LPP: variants seen among roughly 807,000 people sequenced by gnomAD.
LPP encodes LIM domain containing preferred translocation partner in lipoma, also known as lipoma-preferred partner.
A neutral mutation model predicts 60.4 loss-of-function variants in LPP; 38 were observed. The ratio of observed to expected loss-of-function variants is 0.63; its 90% CI spans 0.49 to 0.83. LPP has a LOEUF of 0.83. LPP is among the 40% of genes least tolerant of loss of function. The probability of loss-of-function intolerance (pLI) is 0.00; values close to 1 mark genes in which losing one functional copy is unlikely to be tolerated. For synonymous variants in LPP, 328 were observed against 290.8 expected, an observed-to-expected ratio of 1.13 and a Z score of -1.30; for missense variants, 902 against 783.6, an observed-to-expected ratio of 1.15 and a Z score of -1.80.
intron 2 of LPP, among the ~76,000 whole-genome samples, chr3:188,284,675 C>T (rs140262705): frequency 6.6e-6 from 1 of 152,174 alleles, no homozygotes; most frequent in East Asian, 1.9e-4. Context: ...GTAACAGAAC[C>T]AAGGAGATCA....
intron 2 of LPP, among the ~76,000 whole-genome samples, chr3:188,289,508 A>G (rs1329756820): frequency 6.6e-6 from 1 of 152,210 alleles, no homozygotes; most frequent in Non-Finnish European, 1.5e-5. Context: ...ATCATATGAA[A>G]TATGATCTGA....
intron 3 of LPP, among the ~76,000 whole-genome samples, chr3:188,385,065 C>T (rs895578995): frequency 6.6e-6 from 1 of 151,638 alleles, no homozygotes; most frequent in Admixed American, 6.6e-5. Context: ...TAGTTGCTTA[C>T]TTATTTTAGA....
At chr3:188,268,062 G>C (rs1736259436) in intron 2 of LPP, among the ~76,000 whole-genome samples, 2 of 133,712 alleles carry the variant, frequency 1.5e-5, no homozygotes, top group South Asian at 4.7e-4. Context: ...ATTGCAAAAG[G>C]AAGGTAGAGC....
intron 6 of LPP, among the ~76,000 whole-genome samples, chr3:188,578,461 T>G (rs1335138635): frequency 6.6e-6 from 1 of 152,218 alleles, no homozygotes; most frequent in African/African-American, 2.4e-5. Flanking sequence ...ATTTTCATTT[T>G]ATAATACTGT....
At chr3:188,447,565 A>G (rs7636318) in intron 4 of LPP, among the ~76,000 whole-genome samples, 148,656 of 149,336 alleles carry the variant, frequency 1, 73,997 homozygotes, top group Middle Eastern at 1. Flanking sequence ...AGCAGAGATT[A>G]CACCATAGCA....
chr3:188,818,780 C>A (rs1459425069), intron 9 of LPP, among the ~76,000 whole-genome samples: 3 of 152,174 alleles, frequency 2.0e-5, no homozygotes, highest in Admixed American at 2.0e-4. Context: ...CCTTCCCTTG[C>A]AGAGTTGTTA....
At chr3:188,281,384 T>G (rs1741981971) in intron 2 of LPP, among the ~76,000 whole-genome samples, 1 of 151,908 alleles carries the variant, frequency 6.6e-6, no homozygotes, top group African/African-American at 2.4e-5. Context: ...GATGGATCAC[T>G]TGAGGTCAGG....
At chr3:188,538,940 G>A (rs1824399239) in intron 6 of LPP, among the ~76,000 whole-genome samples, 1 of 152,158 alleles carries the variant, frequency 6.6e-6, no homozygotes, top group African/African-American at 2.4e-5. Flanking sequence ...AGCGACCACA[G>A]TTTATGATTC....
At chr3:188,785,468 TTCCATC>T (rs1741338567) in intron 9 of LPP, among the ~76,000 whole-genome samples, 1 of 46,264 alleles carries the variant, frequency 2.2e-5, no homozygotes, top group African/African-American at 1.0e-4. Context: ...TATATATATA[TTCCATC>T]ATATATATAT....
chr3:188,812,518 G>A (rs575564220), intron 9 of LPP, among the ~76,000 whole-genome samples: 9 of 152,262 alleles, frequency 5.9e-5, no homozygotes, highest in Non-Finnish European at 1.0e-4. Flanking sequence ...GCACAATTCA[G>A]TTTGTTTCTT....
chr3:188,215,032 A>G (rs537119802), intron 1 of LPP, among the ~76,000 whole-genome samples: 1 of 152,224 alleles, frequency 6.6e-6, no homozygotes, highest in East Asian at 1.9e-4. Flanking sequence ...AAGCCTGGGC[A>G]TGGTGGCTCA....
chr3:188,854,542 A>G (rs771044731), intron 9 of LPP, among the ~76,000 whole-genome samples: 38 of 152,206 alleles, frequency 2.5e-4, no homozygotes, highest in Non-Finnish European at 4.0e-4. Flanking sequence ...CAGAAATACA[A>G]TTAGAAGGCC....
intron 1 of LPP, chr3:188,178,941 A>C: frequency 3.9e-6 from 1 of 259,564 alleles, no homozygotes; most frequent in Non-Finnish European, 7.7e-6. Context: ...ACATGCAGGT[A>C]TATTAGGCCA....
intron 2 of LPP, among the ~76,000 whole-genome samples, chr3:188,308,539 C>G (rs961078967): frequency 3.9e-5 from 6 of 152,138 alleles, no homozygotes; most frequent in Non-Finnish European, 7.3e-5. Flanking sequence ...TTAACAACTG[C>G]TATGGCCCAG....
intron 6 of LPP, among the ~76,000 whole-genome samples, chr3:188,537,433 C>T (rs905287684): frequency 2.0e-5 from 3 of 152,158 alleles, no homozygotes; most frequent in Admixed American, 2.0e-4. Flanking sequence ...CAGTGGCTTT[C>T]TGAGAAGTGA....
At chr3:188,677,350 G>T (rs1858360516) in intron 7 of LPP, among the ~76,000 whole-genome samples, 1 of 152,096 alleles carries the variant, frequency 6.6e-6, no homozygotes, top group South Asian at 2.1e-4. Context: ...AATGTGACTT[G>T]TTATCCCCAT....
chr3:188,457,179 G>A (rs193147056), intron 4 of LPP, among the ~76,000 whole-genome samples: 25 of 152,290 alleles, frequency 1.6e-4, no homozygotes, highest in Non-Finnish European at 2.2e-4. Flanking sequence ...ATGCACTGAC[G>A]TCTTCACATT....
chr3:188,851,662 C>G (rs1007031526), intron 9 of LPP, among the ~76,000 whole-genome samples: 37 of 152,066 alleles, frequency 2.4e-4, no homozygotes, highest in Non-Finnish European at 2.4e-4. Context: ...ACAAACAATC[C>G]CTACTATATT....
At chr3:188,811,351 TACACACACACAC>T (rs58445393) in intron 9 of LPP, among the ~76,000 whole-genome samples, 14 of 144,984 alleles carry the variant, frequency 9.7e-5, no homozygotes, top group African/African-American at 3.3e-4. Context: ...AAGTGCTGTA[TACACACACACAC>T]ACACACACAC....
Sources: allele counts gnomAD v4.1 joint callset (sites outside exome capture counted in the v4.1 genomes callset), GRCh38; gene constraint gnomAD v4.1.1; transcripts MANE v1.5; gene names NCBI Gene and HGNC (gene_info 2026-07-23, HGNC 2026-07-21).